ARAP2: variants seen among roughly 807,000 people sequenced by gnomAD.
The protein encoded by ARAP2 is ArfGAP with RhoGAP domain, ankyrin repeat and PH domain 2.
In ARAP2, 148 loss-of-function variants were observed where a neutral mutation model predicts 194.5. That is an observed-to-expected ratio of 0.76 (90% confidence interval 0.67 to 0.87). ARAP2 has a LOEUF of 0.87. Ranked by LOEUF, ARAP2 falls within the 40% of genes least tolerant of loss-of-function variation. The probability of loss-of-function intolerance (pLI) is 0.00; values close to 1 mark genes in which losing one functional copy is unlikely to be tolerated. For missense variants in ARAP2, 2,128 were observed against 1,989.7 expected, an observed-to-expected ratio of 1.07 and a Z score of -1.32; for synonymous variants, 695 against 683.5, an observed-to-expected ratio of 1.02 and a Z score of -0.26.
intron 9 of ARAP2, among the ~76,000 whole-genome samples, chr4:36,011,025 G>A (rs747446508): frequency 1.3e-5 from 2 of 152,156 alleles, no homozygotes; most frequent in African/African-American, 2.4e-5. Context: ...GAGGTTTTAA[G>A]GTCAATTGTG....
At chr4:36,199,492 A>T (rs180949883) in intron 6 of ARAP2, among the ~76,000 whole-genome samples, 27 of 152,256 alleles carry the variant, frequency 1.8e-4, no homozygotes, top group Non-Finnish European at 3.4e-4. Flanking sequence ...GGGTTTCACC[A>T]TATTGGACAG....
chr4:36,160,648 T>TTCA lies in ARAP2; in HGVS notation c.2260-8_2260-7insTGA, dbSNP rs753350428. 105 of 1,347,004 alleles carry TTCA rather than the reference T, an allele frequency of 7.8e-5. No individual in the cohort carries two copies. The highest frequency in any genetic ancestry group is 9.6e-5 in the Non-Finnish European group (102 of 1,062,510). The allele number at this position is 1,347,004 out of a possible 1,614,324, so 83.4% of individuals were successfully genotyped here. ...TTCCAATGACAATAAAAAGCTGAATTGTCAAAAAAAAAACCCCATAATATA... is the reference window on the plus strand; with the variant it reads ...TTCCAATGACAATAAAAAGCTGAATTTCAGTCAAAAAAAAAACCCCATAATATA... On this transcript the variant is annotated splice_polypyrimidine_tract_variant and splice_region_variant and intron_variant, in intron 12 of 32. Transcript: ENST00000303965.
At chr4:36,215,265 A>G (rs1046743264) in intron 2 of ARAP2, among the ~76,000 whole-genome samples, 2 of 152,232 alleles carry the variant, frequency 1.3e-5, no homozygotes, top group African/African-American at 2.4e-5. Flanking sequence ...AATTGAATAG[A>G]AAGTCCACAT....
intron 27 of ARAP2, among the ~76,000 whole-genome samples, chr4:36,102,260 C>T (rs1400647914): frequency 6.6e-6 from 1 of 151,964 alleles, no homozygotes; most frequent in Non-Finnish European, 1.5e-5. Context: ...TCACTCCCAA[C>T]CAGCAAGCTC....
chr4:36,099,773 C>A (rs1716347791), intron 27 of ARAP2, among the ~76,000 whole-genome samples: 1 of 152,072 alleles, frequency 6.6e-6, no homozygotes, highest in South Asian at 2.1e-4. Flanking sequence ...AATCTCAATT[C>A]TCTTATCTGC....
chr4:36,063,875 T>C (rs1724880605), downstream of ARAP2, among the ~76,000 whole-genome samples: 1 of 152,240 alleles, frequency 6.6e-6, no homozygotes, highest in South Asian at 2.1e-4. Context: ...AAGTGATTAT[T>C]AAAACTTTAA....
chr4:36,126,544 C>T (rs1453635609), intron 21 of ARAP2, among the ~76,000 whole-genome samples: 2 of 151,936 alleles, frequency 1.3e-5, no homozygotes. Flanking sequence ...GTATACAGTA[C>T]ATCAAAAGAG....
chr4:36,066,854 C>A lies in ARAP2; in HGVS notation c.*1053G>T, dbSNP rs1725582800. 6.6e-6 allele frequency: 1 copy of A among 152,076 alleles called. No homozygotes were observed. The highest frequency in any genetic ancestry group is 6.5e-5 in the Admixed American group (1 of 15,268). The allele number at this position is 152,076 out of a possible 1,614,324, so 9.4% of individuals were successfully genotyped here. A position where few individuals can be genotyped will look rare whatever the true frequency, so the allele number is the denominator to read the frequency against. On this transcript the variant is annotated 3_prime_UTR_variant, in exon 33 of 33. Transcript: ENST00000303965. ...TAGCCCCCAAATGTATAGTAAACCA[C>A]CAACTAGCCCCTGGCTCCATAATGG... is the stretch of plus-strand genomic sequence containing the variant.
At chr4:36,211,826 A>G (rs1746825261) in intron 5 of ARAP2, among the ~76,000 whole-genome samples, 2 of 152,108 alleles carry the variant, frequency 1.3e-5, no homozygotes, top group Admixed American at 6.6e-5. Context: ...TACATCTACT[A>G]TGTAATCTCA....
intron 8 of ARAP2, among the ~76,000 whole-genome samples, chr4:36,014,372 A>AAGAAAGAAAGAAAGAAAG (rs1553862095): frequency 1.7e-5 from 2 of 118,746 alleles, no homozygotes; most frequent in African/African-American, 6.9e-5. Flanking sequence ...GAAAGAAAGA[A>AAGAAAGAAAGAAAGAAAG]AGAAAGAAAG....
chr4:36,241,245 C>T (rs1003214951), intron 1 of ARAP2, among the ~76,000 whole-genome samples: 7 of 152,186 alleles, frequency 4.6e-5, no homozygotes, highest in African/African-American at 1.7e-4. Context: ...GAATAGCCTA[C>T]TGTGTTTCCT....
intron 27 of ARAP2, among the ~76,000 whole-genome samples, chr4:36,100,348 CTCT>C (rs1226512034): frequency 4.6e-5 from 7 of 151,746 alleles, no homozygotes; most frequent in Non-Finnish European, 1.0e-4. Flanking sequence ...GCATGTGTCT[CTCT>C]TCTTCTCTTG....
intron 3 of ARAP2, among the ~76,000 whole-genome samples, chr4:36,047,442 C>T (rs1469260301): frequency 6.6e-6 from 1 of 152,160 alleles, no homozygotes; most frequent in African/African-American, 2.4e-5. Context: ...AAATTATAGG[C>T]CAATCTAATT....
intron 5 of ARAP2, among the ~76,000 whole-genome samples, chr4:36,042,899 A>G (rs1848928): frequency 0.58 from 87,684 of 150,796 alleles, 26,674 homozygotes; most frequent in Non-Finnish European, 0.66. Context: ...CTGGAGTGCA[A>G]TGGCACGATC....
In ARAP2 at chr4:36,075,602, A is replaced by G. The variant is rs1728075765; in HGVS notation, c.4609-1779T>C. On this transcript the variant is annotated intron_variant, in intron 31 of 32. Transcript: ENST00000303965. ...CCAATCCACCACCACTCTTCTCACA[A>G]CATTTTTTACCACTTCCCTCATTGC... is the stretch of plus-strand genomic sequence containing the variant. Among the ~76,000 whole-genome samples the G allele has an allele frequency of 3.9e-5, 6 of 152,048 alleles. No homozygotes were observed. The South Asian group carries it at 1.0e-3, about 26-fold the overall frequency.
chr4:36,065,050 G>C (rs1451606734), downstream of ARAP2: 6 of 176,742 alleles, frequency 3.4e-5, no homozygotes, highest in East Asian at 9.9e-4. Context: ...GGGAGGGAGA[G>C]AAGGGCCAGG....
In ARAP2 at chr4:36,052,792, G is replaced by A. The variant is rs543645313; in HGVS notation, n.322-739C>T. Among the ~76,000 whole-genome samples the A allele has an allele frequency of 1.8e-3, 280 of 152,114 alleles. 1 individual carries two copies. Among genetic ancestry groups the A allele is most frequent in the African/African-American group, 6.6e-3 (273 of 41,528 alleles). On this transcript the variant is annotated intron_variant and non_coding_transcript_variant, in intron 2 of 12. Coordinates refer to the ARAP2 transcript ENST00000503225. Reference sequence around the variant, plus strand: ...ATCGTGGCTAGCACGGTGAAACCCCGTCTCTACTAAAAATACAAAAACAAA... The same window carrying A: ...ATCGTGGCTAGCACGGTGAAACCCCATCTCTACTAAAAATACAAAAACAAA...
At chr4:36,022,734 A>G (rs1717217261) in intron 5 of ARAP2, among the ~76,000 whole-genome samples, 1 of 152,170 alleles carries the variant, frequency 6.6e-6, no homozygotes. Flanking sequence ...AAGAAAAAAT[A>G]CTATCTTCAG....
intron 27 of ARAP2, among the ~76,000 whole-genome samples, 161 bp downstream of exon 27, chr4:36,107,404 C>A (rs1302065240): frequency 6.6e-6 from 1 of 152,052 alleles, no homozygotes; most frequent in African/African-American, 2.4e-5. Context: ...AAAATATCTT[C>A]CTGTCCATAT....
Sources: allele counts gnomAD v4.1 joint callset (sites outside exome capture counted in the v4.1 genomes callset), GRCh38; gene constraint gnomAD v4.1.1; transcripts MANE v1.5; gene names NCBI Gene and HGNC (gene_info 2026-07-23, HGNC 2026-07-21).